Variants in CELSR2 observed in about 807,000 individuals in gnomAD.
The protein encoded by CELSR2 is EGF-like protein 2.
CELSR2 carries 81 observed loss-of-function variants against 251.6 expected under a neutral mutation model. The ratio of observed to expected loss-of-function variants is 0.32; its 90% CI spans 0.27 to 0.39. CELSR2 has a LOEUF of 0.39. Among genes scored for constraint, CELSR2 ranks in the 10% least tolerant of loss-of-function variants. CELSR2 has a pLI of 1.00. For synonymous variants in CELSR2, 1,721 were observed against 1,670.5 expected (o/e 1.03, Z -0.74); for missense variants, 3,365 against 3,947.7 (o/e 0.85, Z 3.96).
In CELSR2 at chr1:109,253,253, T is replaced by C. The variant is rs756691927; in HGVS notation, c.3174T>C (p.Asp1058=). The C allele has an allele frequency of 1.9e-6, 3 of 1,613,498 alleles. No individual in the cohort carries two copies. The highest frequency in any genetic ancestry group is 1.1e-5 in the South Asian group (1 of 91,090). The change falls in exon 1 of 34, where the codon GAT becomes GAC. Residue 1058 remains aspartate, a synonymous_variant. Transcript: ENST00000271332. The part of the protein sequence containing the change: ...RVPAHDPDIS[D]SLTYSFERGN... Reference sequence around the variant, plus strand: ...CTGCCCATGACCCTGATATCTCAGATAGTCTGACTTACAGCTTTGAGCGGG... The same window carrying C: ...CTGCCCATGACCCTGATATCTCAGACAGTCTGACTTACAGCTTTGAGCGGG...
chr1:109,262,535 C>A, intron 6 of CELSR2, 91 bp downstream of exon 6: 1 of 1,510,614 alleles, frequency 6.6e-7, no homozygotes, highest in South Asian at 1.2e-5. Flanking sequence ...TGGGGTCTCT[C>A]TCCCTTTGCC....
In CELSR2 at chr1:109,251,376, G is replaced by C; in HGVS notation, c.1297G>C (p.Val433Leu). Reference sequence around the variant, plus strand: ...GGATCGAGACAAGGGGAGCAATGCCGTGGTGCACTATAGCATCATGAGTGG... The same window carrying C: ...GGATCGAGACAAGGGGAGCAATGCCCTGGTGCACTATAGCATCATGAGTGG... ...ASDRDKGSNA[V>L]VHYSIMSGNA... Residue 433 changes from valine to leucine, a missense_variant, in exon 1 of 34, where the codon GTG becomes CTG. Val to Leu is a conservative substitution (Grantham distance 32, BLOSUM62 1). Transcript: ENST00000271332. The surrounding 1 kb of genome is among the most constrained non-coding windows in gnomAD (Gnocchi z 4.9). 1 of 1,614,094 alleles carries C rather than the reference G, an allele frequency of 6.2e-7. No individual in the cohort carries two copies. The highest frequency in any genetic ancestry group is 8.5e-7 in the Non-Finnish European group (1 of 1,180,026).
rs1368641954 is a variant in CELSR2 at position 109,262,750 on chromosome 1, G to A, written c.4545-56G>A. 9.4e-5 allele frequency: 150 copies of A among 1,588,652 alleles called. No homozygotes were observed. The East Asian group carries it at 3.1e-3, about 33-fold the overall frequency. ...TCTCTGGCCTGGCGGCAGAGCGAGC[G>A]GAGGACCAGAAGCTCCCAGCCCTCC... On this transcript the variant is annotated intron_variant, in intron 6 of 33. Coordinates refer to ENST00000271332, the MANE Select transcript of CELSR2 (RefSeq NM_001408.3).
intron 13 of CELSR2, 101 bp downstream of exon 13, chr1:109,265,412 C>A: frequency 1.5e-6 from 2 of 1,320,084 alleles, no homozygotes; most frequent in Non-Finnish European, 2.1e-6. Context: ...TCCTGTAGAG[C>A]TGAGGGCCTT....
At chr1:109,254,944 C>T (rs1304011006) in intron 1 of CELSR2, among the ~76,000 whole-genome samples, 3 of 152,232 alleles carry the variant, frequency 2.0e-5, no homozygotes, top group Non-Finnish European at 2.9e-5. Flanking sequence ...GGGCCTCTCC[C>T]TCTGGTCCTC....
rs144272839 is a variant in CELSR2 at position 109,262,963 on chromosome 1, G to A, written c.4702G>A (p.Val1568Met). 20 of 1,612,398 alleles carry A rather than the reference G, an allele frequency of 1.2e-5. No individual in the cohort carries two copies. The highest frequency in any genetic ancestry group is 5.3e-5 in the African/African-American group (4 of 74,910). The change falls in exon 7 of 34, where the codon GTG (valine) becomes ATG (methionine). Residue 1568 changes from valine to methionine, a missense_variant. Around this residue, in one of 5 missense-constraint regions of CELSR2, gnomAD observed 2,093 missense variants for 2,382.8 expected, o/e 0.88. Coordinates refer to ENST00000271332, the MANE Select transcript of CELSR2 (RefSeq NM_001408.3). ...TGACTTCATTGCCAACAATGGCACC[G>A]TGCCTGGTATGGGGGCCCGGGGTGG... ...MADFIANNGT[V>M]PGCPAKKNVC...
chr1:109,253,293 C>T lies in CELSR2; in HGVS notation c.3214C>T (p.Leu1072=), dbSNP rs1655752028. 1.2e-6 allele frequency: 2 copies of T among 1,613,502 alleles called. No individual in the cohort carries two copies. The highest frequency in any genetic ancestry group is 4.5e-5 in the East Asian group (2 of 44,890). Residue 1072 remains leucine (L), a synonymous_variant, in exon 1 of 34, where the codon CTG becomes TTG. Transcript: ENST00000271332. ...YSFERGNELS[L]VLLNASTGEL... Reference sequence around the variant, plus strand: ...CTTTGAGCGGGGAAATGAACTCAGCCTGGTCCTGCTCAATGCCTCCACGGG... The same window carrying T: ...CTTTGAGCGGGGAAATGAACTCAGCTTGGTCCTGCTCAATGCCTCCACGGG...
In CELSR2 at chr1:109,251,023, ATGG is replaced by A. The variant is rs773248244; in HGVS notation, c.947_949del (p.Gly316del). 6.2e-7 allele frequency: 1 copy of A among 1,613,484 alleles called. No individual in the cohort carries two copies. On this transcript the variant is annotated inframe_deletion, in exon 1 of 34. Transcript: ENST00000271332. This position sits in a 1 kb window ranked among gnomAD's most constrained non-coding sequence, Gnocchi z 4.9. Reference sequence around the variant, plus strand: ...GAGGTGCTCACTGTCAGGGCCACGGATGGTGATGCCCCTCCCAATGCCAATATT... The same window carrying A: ...GAGGTGCTCACTGTCAGGGCCACGGATGATGCCCCTCCCAATGCCAATATT...
intron 5 of CELSR2, 30 bp from the exon 6 acceptor site, chr1:109,262,257 T>C (rs1570784159): frequency 6.2e-7 from 1 of 1,609,672 alleles, no homozygotes; most frequent in Non-Finnish European, 8.5e-7. Flanking sequence ...GTACTCAGTG[T>C]CCCCCTTCTC....
Position 109,258,648 on chromosome 1 carries a change from C to T in CELSR2, c.3527C>T (p.Pro1176Leu), listed in dbSNP as rs979118772. The change falls in exon 2 of 34, where the codon CCC becomes CTC. Residue 1176 changes from proline (P) to leucine (L), a missense_variant. Pro to Leu is a moderately conservative substitution (Grantham distance 98, BLOSUM62 -3). Transcript: ENST00000271332. Reference sequence around the variant, plus strand: ...AACGTACAGCGGGACACCGACGCCCCCGGGGGCCACATCCTCAACGTGAGC... The same window carrying T: ...AACGTACAGCGGGACACCGACGCCCTCGGGGGCCACATCCTCAACGTGAGC... ...VFNVQRDTDA[P>L]GGHILNVSLS... is the part of the protein sequence containing the mutation. 5 of 1,550,726 alleles carry T rather than the reference C, an allele frequency of 3.2e-6. No individual in the cohort carries two copies. The African/African-American group carries it at 5.5e-5, about 17-fold the overall frequency.
Position 109,264,460 on chromosome 1 carries a change from C to T in CELSR2, c.5296C>T (p.Arg1766Trp), listed in dbSNP as rs757726981. 15 of 1,603,746 alleles carry T rather than the reference C, an allele frequency of 9.4e-6. No individual in the cohort carries two copies. The highest frequency in any genetic ancestry group is 8.4e-5 in the Admixed American group (5 of 59,728). The change falls in exon 11 of 34, where the codon CGG (arginine) becomes TGG (tryptophan). Residue 1766 changes from arginine (R) to tryptophan (W), a missense_variant. Transcript: ENST00000271332. ...RGFRGCLQGVRVSDTPEGVNS... is the reference protein window; with the variant it reads ...RGFRGCLQGVWVSDTPEGVNS... ...CTGCTCCTGTCCCTCCCAGGGTGTG[C>T]GGGTGAGCGATACGCCGGAGGGGGT...
rs771917474 is a variant in CELSR2 at position 109,250,479 on chromosome 1, G to A, written c.400G>A (p.Glu134Lys). 3.1e-6 allele frequency: 5 copies of A among 1,613,752 alleles called. No homozygotes were observed. Among genetic ancestry groups the A allele is most frequent in the Middle Eastern group, 1.6e-4 (1 of 6,062 alleles). The change falls in exon 1 of 34, where the codon GAG becomes AAG. Residue 134 changes from glutamate (E) to lysine (K), a missense_variant. Glu to Lys is a moderately conservative substitution (Grantham distance 56). Around this residue, in one of 5 missense-constraint regions of CELSR2, gnomAD observed 704 missense variants for 784.1 expected, o/e 0.90. Transcript: ENST00000271332. This position sits in a 1 kb window ranked among gnomAD's most constrained non-coding sequence, Gnocchi z 4.4. Reference protein sequence around the residue: ...SPQGKLTLPEEHPCLKAPRLR... With the variant: ...SPQGKLTLPEKHPCLKAPRLR... ...ACAGGGCAAGCTCACACTGCCCGAG[G>A]AGCACCCGTGCTTAAAGGCTCCACG...
rs764790101 is a variant in CELSR2 at position 109,253,215 on chromosome 1, A to G, written c.3136A>G (p.Ile1046Val). The G allele has an allele frequency of 6.2e-7, 1 of 1,613,548 alleles. No homozygotes were observed. The highest frequency in any genetic ancestry group is 8.5e-7 in the Non-Finnish European group (1 of 1,180,048). The change falls in exon 1 of 34, where the codon ATT (isoleucine) becomes GTT (valine). Residue 1046 changes from isoleucine to valine, a missense_variant. Ile to Val is a conservative substitution (Grantham distance 29). Transcript: ENST00000271332. ...CTCAAGCAGCTTCCCTGGGGGTGCC[A>G]TTGGCCGAGTACCTGCCCATGACCC... ...NRSSSFPGGA[I>V]GRVPAHDPDI...
chr1:109,265,749 GC>G lies in CELSR2; in HGVS notation c.5747del (p.Pro1916GlnfsTer56). Reference protein sequence around the residue: ...ECHCKENHYRPPGSPTCLLCD... With the variant: ...ECHCKENHYRXPGSPTCLLCD... The stretch of plus-strand genomic sequence containing the variant: ...TCCTTTCTCAGGAGAACCACTACCG[GC>G]CCCCAGGCAGCCCCACCTGCCTCTT... On this transcript the variant is annotated frameshift_variant, in exon 14 of 34. Coordinates refer to ENST00000271332, the MANE Select transcript of CELSR2 (RefSeq NM_001408.3). LOFTEE classifies it high-confidence loss of function. The G allele has an allele frequency of 6.2e-7, 1 of 1,611,030 alleles. No individual in the cohort carries two copies. The highest frequency in any genetic ancestry group is 8.5e-7 in the Non-Finnish European group (1 of 1,177,580).
At chr1:109,270,685 T>C in intron 24 of CELSR2, 85 bp downstream of exon 24, 2 of 1,511,228 alleles carry the variant, frequency 1.3e-6, no homozygotes, top group Non-Finnish European at 1.8e-6. Flanking sequence ...ATACAGGCCC[T>C]GAGGCCCCAC....
Position 109,261,557 on chromosome 1 carries a change from G to A in CELSR2, c.4226G>A (p.Arg1409His), listed in dbSNP as rs1275299094. 2.5e-6 allele frequency: 4 copies of A among 1,614,058 alleles called. No homozygotes were observed. Among genetic ancestry groups the A allele is most frequent in the South Asian group, 1.1e-5 (1 of 91,090 alleles). Residue 1409 changes from arginine to histidine, a missense_variant, in exon 4 of 34, where the codon CGT (arginine) becomes CAT (histidine). Arg to His is a conservative substitution (Grantham distance 29, BLOSUM62 0). This residue lies in a region of CELSR2 where 2,093 missense variants were observed against 2,382.8 expected (regional missense o/e 0.88). Transcript: ENST00000271332. This position sits in a 1 kb window ranked among gnomAD's most constrained non-coding sequence, Gnocchi z 4.8. ...ERDGLLLYNG[R>H]FNEKHDFVAL... The stretch of plus-strand genomic sequence containing the variant: ...GACGGGTTGCTGTTGTACAATGGGC[G>A]TTTCAATGAGAAGCATGACTTTGTG...
Position 109,270,038 on chromosome 1 carries a change from C to T in CELSR2, c.7213C>T (p.Arg2405Cys), listed in dbSNP as rs149434499. 20 of 1,614,006 alleles carry T rather than the reference C, an allele frequency of 1.2e-5. No individual in the cohort carries two copies. In the African/African-American group the frequency reaches 1.7e-4, roughly 14 times the overall value. The change falls in exon 23 of 34, where the codon CGC (arginine) becomes TGC (cysteine). Residue 2405 changes from arginine to cysteine, a missense_variant. By Grantham distance (180) the Arg-to-Cys change is radical. This residue lies in a region of CELSR2 where 2,093 missense variants were observed against 2,382.8 expected (regional missense o/e 0.88). Transcript: ENST00000271332. ...CTTCCTCACTCTCTTGCGTATCCTG[C>T]GCTCCAACCAACACGGCATCCGACG... ...FFFLTLLRIL[R>C]SNQHGIRRNL...
At chr1:109,270,180 G>A (rs376943794) in intron 23 of CELSR2, 47 bp downstream of exon 23, 11 of 1,585,676 alleles carry the variant, frequency 6.9e-6, no homozygotes, top group Middle Eastern at 1.7e-4. Context: ...TTCTCAGGCC[G>A]CCTCCCCAGC....
Position 109,273,641 on chromosome 1 carries a change from C to T in CELSR2, c.8715C>T (p.Gly2905=). Residue 2905 remains glycine (G), a synonymous_variant, in exon 33 of 34, where the codon GGC becomes GGT. Transcript: ENST00000271332. ...VMPIAMSIKA[G]TVDEDSSGSE... ...CCATCGCCATGAGCATCAAGGCAGG[C>T]ACGGTGGATGAGGACTCGTCAGGCT... is the stretch of plus-strand genomic sequence containing the variant. The T allele has an allele frequency of 1.3e-6, 2 of 1,504,754 alleles. No homozygotes were observed. Among genetic ancestry groups the T allele is most frequent in the Non-Finnish European group, 1.8e-6 (2 of 1,122,538 alleles). 93.2% of individuals were successfully genotyped at this position (1,504,754 alleles called of 1,614,324 possible).
Sources: gnomAD v4.1 joint callset for allele counts (sites outside exome capture counted in the v4.1 genomes callset) on GRCh38, gnomAD v4.1.1 for gene constraint, gnomAD v4.1.1 regional missense constraint, Gnocchi (gnomAD v3.1) non-coding constraint, MANE v1.5 for transcripts, NCBI Gene and HGNC (gene_info 2026-07-23, HGNC 2026-07-21) for gene names.